COL23A1: variants seen among roughly 807,000 people sequenced by gnomAD.
COL23A1 encodes the protein collagen alpha-1(XXIII) chain.
In COL23A1, 97 loss-of-function variants were observed where a neutral mutation model predicts 99.3. The ratio of observed to expected loss-of-function variants is 0.98; its 90% CI spans 0.83 to 1.16. The LOEUF is 1.16. Among genes scored for constraint, COL23A1 ranks in the 50% most tolerant of loss-of-function variants. The pLI is 0.00. For missense variants in COL23A1, 762 were observed against 757.4 expected (o/e 1.01, Z -0.07); for synonymous variants, 320 against 308.2 (o/e 1.04, Z -0.40).
chr5:178,378,840 C>T (rs898823948), intron 2 of COL23A1, among the ~76,000 whole-genome samples: 2 of 152,120 alleles, frequency 1.3e-5, no homozygotes, highest in Non-Finnish European at 2.9e-5. Flanking sequence ...GAGGCAGACC[C>T]AGGCTTGGCC....
intron 11 of COL23A1, among the ~76,000 whole-genome samples, chr5:178,261,368 C>T (rs144518896): frequency 9.2e-4 from 140 of 151,860 alleles, no homozygotes; most frequent in African/African-American, 2.5e-3. Context: ...GAGCTGTGAT[C>T]GTGCCACTGC....
chr5:178,272,473 G>A (rs868808602), intron 5 of COL23A1, among the ~76,000 whole-genome samples: 3 of 152,184 alleles, frequency 2.0e-5, no homozygotes, highest in African/African-American at 7.2e-5. Flanking sequence ...CTGAGGGTTT[G>A]GCCATCAGAG....
intron 2 of COL23A1, among the ~76,000 whole-genome samples, chr5:178,327,305 A>C (rs547924074): frequency 6.6e-6 from 1 of 152,278 alleles, no homozygotes; most frequent in South Asian, 2.1e-4. Flanking sequence ...GGGAAACGCT[A>C]TTAGAGACAC....
chr5:178,261,523 CTG>C (rs983223554), intron 11 of COL23A1, among the ~76,000 whole-genome samples, 197 bp downstream of exon 11: 3 of 152,194 alleles, frequency 2.0e-5, no homozygotes, highest in African/African-American at 7.2e-5. Context: ...GAAAGGTTTA[CTG>C]TGCCTCCATT....
intron 8 of COL23A1, among the ~76,000 whole-genome samples, chr5:178,264,600 T>C (rs1413056703): frequency 1.3e-5 from 2 of 152,130 alleles, no homozygotes; most frequent in Non-Finnish European, 2.9e-5. Flanking sequence ...CCAACCCTCT[T>C]GTAACAAAGA....
At chr5:178,548,205 C>T (rs1453103145) in intron 2 of COL23A1, among the ~76,000 whole-genome samples, 1 of 151,394 alleles carries the variant, frequency 6.6e-6, no homozygotes, top group Non-Finnish European at 1.5e-5. Flanking sequence ...ACCGTGTGTA[C>T]AGATGTAGTC....
chr5:178,562,096 C>A (rs773811439), intron 1 of COL23A1: 40 of 532,866 alleles, frequency 7.5e-5, no homozygotes, highest in Non-Finnish European at 1.4e-4. Context: ...AAAAAGGAAG[C>A]CACAGCGTGG....
intron 2 of COL23A1, among the ~76,000 whole-genome samples, chr5:178,552,725 AT>A (rs1420383667): frequency 5.5e-4 from 63 of 113,620 alleles, no homozygotes; most frequent in Admixed American, 7.2e-4. Context: ...AAAAAAAAAA[AT>A]TTTTTTCAGA....
At chr5:178,503,495 A>G (rs766108667) in intron 2 of COL23A1, among the ~76,000 whole-genome samples, 1 of 152,226 alleles carries the variant, frequency 6.6e-6, no homozygotes, top group South Asian at 2.1e-4. Context: ...TCAATTCACT[A>G]AAGTTAGTGA....
chr5:178,311,738 G>GT (rs146117577), intron 2 of COL23A1, among the ~76,000 whole-genome samples: 3,580 of 32,178 alleles, frequency 0.11, 296 homozygotes, highest in African/African-American at 0.21. Context: ...GTTTTGTTTT[G>GT]TTTTTTTTTT....
chr5:178,349,392 C>A (rs1761175250), intron 2 of COL23A1, among the ~76,000 whole-genome samples: 1 of 152,144 alleles, frequency 6.6e-6, no homozygotes, highest in East Asian at 1.9e-4. Flanking sequence ...GTGTTGATAA[C>A]CCGGGTGATG....
At position 178,551,104 on chromosome 5, in the gene COL23A1, C is replaced by A. The variant is rs558354514; in HGVS notation, c.361+9578G>T. Among the ~76,000 whole-genome samples the A allele has an allele frequency of 2.5e-4, 8 of 31,628 alleles. No homozygotes were observed. In the South Asian group the frequency reaches 6.3e-3, roughly 25 times the overall value. The allele number at this position is 31,628 out of a possible 152,430, so 20.7% of individuals were successfully genotyped here. ...TGTGTGTCACTGCTCTTGGTTTGAA[C>A]TTTTGTGTGCTTTCTAGTAATTTTA... is the stretch of plus-strand genomic sequence containing the variant. On this transcript the variant is annotated intron_variant, in intron 2 of 28. Transcript: ENST00000390654.
intron 2 of COL23A1, among the ~76,000 whole-genome samples, chr5:178,433,902 C>A (rs1271519044): frequency 1.3e-5 from 2 of 152,102 alleles, no homozygotes; most frequent in East Asian, 3.9e-4. Flanking sequence ...GGACTGGTGT[C>A]CTTACAACAA....
At chr5:178,251,489 A>C (rs1026857850) in intron 17 of COL23A1, among the ~76,000 whole-genome samples, 53 of 152,236 alleles carry the variant, frequency 3.5e-4, no homozygotes, top group African/African-American at 1.2e-3. Flanking sequence ...AGAGCTTAGA[A>C]ATTATGTTGA....
At position 178,493,007 on chromosome 5, in the gene COL23A1, T is replaced by C. The variant is rs915328722; in HGVS notation, c.361+67675A>G. 3.3e-5 allele frequency among the ~76,000 whole-genome samples: 5 copies of C among 152,330 alleles called. No individual in the cohort carries two copies. The East Asian group carries it at 5.8e-4, about 18-fold the overall frequency. Reference sequence around the variant, plus strand: ...CTTGGTAAGCTGCTCTTAAGTGTGATCTGTTAAGGAAAGCTTTAGTTGTTG... The same window carrying C: ...CTTGGTAAGCTGCTCTTAAGTGTGACCTGTTAAGGAAAGCTTTAGTTGTTG... On this transcript the variant is annotated intron_variant, in intron 2 of 28. Coordinates refer to ENST00000390654, the MANE Select transcript of COL23A1 (RefSeq NM_173465.4).
At chr5:178,567,761 A>G (rs772070761) in intron 1 of COL23A1, among the ~76,000 whole-genome samples, 30 of 152,238 alleles carry the variant, frequency 2.0e-4, no homozygotes, top group Non-Finnish European at 4.1e-4. Flanking sequence ...TTAAGCAACA[A>G]AATAAATAAT....
chr5:178,512,401 A>G (rs376202611), intron 2 of COL23A1, among the ~76,000 whole-genome samples: 1 of 152,232 alleles, frequency 6.6e-6, no homozygotes, highest in Non-Finnish European at 1.5e-5. Flanking sequence ...GAAAGAGTGA[A>G]TCATTTATGG....
chr5:178,561,261 A>C (rs1762546164), intron 1 of COL23A1, among the ~76,000 whole-genome samples: 1 of 152,210 alleles, frequency 6.6e-6, no homozygotes, highest in South Asian at 2.1e-4. Context: ...ACCCTGATGA[A>C]AACATTTTCC....
intron 2 of COL23A1, among the ~76,000 whole-genome samples, chr5:178,485,236 G>T (rs1441072666): frequency 6.6e-6 from 1 of 152,128 alleles, no homozygotes; most frequent in Non-Finnish European, 1.5e-5. Flanking sequence ...ACTTTGGGAG[G>T]CCAGGAGGGC....
Sources: gnomAD v4.1 joint callset for allele counts (sites outside exome capture counted in the v4.1 genomes callset) on GRCh38, gnomAD v4.1.1 for gene constraint, MANE v1.5 for transcripts, NCBI Gene and HGNC (gene_info 2026-07-23, HGNC 2026-07-21) for gene names.